The following PUS1 variants were observed in gnomAD, a reference collection of about 807,000 sequenced individuals.
PUS1 encodes pseudouridylate synthase 1 homolog.
PUS1 carries 25 observed loss-of-function variants against 38.5 expected under a neutral mutation model. The ratio of observed to expected loss-of-function variants is 0.65; its 90% CI spans 0.47 to 0.91. The LOEUF is 0.91. Ranked by LOEUF, PUS1 falls within the 40% of genes least tolerant of loss-of-function variation. PUS1 has a pLI of 0.00. For synonymous variants in PUS1, 282 were observed against 260.4 expected, an observed-to-expected ratio of 1.08 and a Z score of -0.80; for missense variants, 597 against 612.3, an observed-to-expected ratio of 0.97 and a Z score of 0.26.
chr12:131,936,295 G>GTAA (rs1890828988), intron 3 of PUS1, among the ~76,000 whole-genome samples: 1 of 152,162 alleles, frequency 6.6e-6, no homozygotes, highest in South Asian at 2.1e-4. Context: ...TGGGCGCGGG[G>GTAA]GCTTAGCCTG....
At chr12:131,935,819 C>A (rs1566143832) in intron 3 of PUS1, among the ~76,000 whole-genome samples, 1 of 152,106 alleles carries the variant, frequency 6.6e-6, no homozygotes, top group Non-Finnish European at 1.5e-5. Flanking sequence ...AGGTGTGAGC[C>A]CCCGTGCCCG....
At chr12:131,933,982 C>T (rs1174891632) in intron 3 of PUS1, among the ~76,000 whole-genome samples, 2 of 152,194 alleles carry the variant, frequency 1.3e-5, no homozygotes, top group African/African-American at 4.8e-5. Context: ...GATAAGGTCA[C>T]GCGAGTGACA....
At position 131,931,068 on chromosome 12, in the gene PUS1, G is replaced by A. The variant is rs537725991; in HGVS notation, c.303+933G>A. On this transcript the variant is annotated intron_variant, in intron 2 of 5. Coordinates refer to ENST00000376649, the MANE Select transcript of PUS1 (RefSeq NM_025215.6). ...ATTTCCACAGAAGTTCATGCAGTGC[G>A]TGCAGTGTCTGACTGAAACAAAAGT... 4.6e-5 allele frequency among the ~76,000 whole-genome samples: 7 copies of A among 152,318 alleles called. No homozygotes were observed. The East Asian group carries it at 7.7e-4, about 17-fold the overall frequency.
intron 5 of PUS1, among the ~76,000 whole-genome samples, chr12:131,942,316 T>C (rs571740068): frequency 6.6e-6 from 1 of 152,272 alleles, no homozygotes; most frequent in South Asian, 2.1e-4. Context: ...GGATTGTAGG[T>C]GCAGAAGCTA....
Position 131,943,421 on chromosome 12 carries a change from G to C in PUS1, c.1237-118G>C. 3.6e-6 allele frequency: 3 copies of C among 836,992 alleles called. No homozygotes were observed. In the Admixed American group the frequency reaches 5.1e-5, roughly 14 times the overall value. 51.8% of individuals were successfully genotyped at this position (836,992 alleles called of 1,614,324 possible). A position where few individuals can be genotyped will look rare whatever the true frequency, so the allele number is the denominator to read the frequency against. ...AGAACAAACACCAGACTCTGCTCCT[G>C]ATGAGGGAGTGGTGGGGGCAAGGCT... On this transcript the variant is annotated intron_variant, in intron 5 of 5. Coordinates refer to ENST00000376649, the MANE Select transcript of PUS1 (RefSeq NM_025215.6).
intron 2 of PUS1, chr12:131,931,552 T>C (rs978514809): frequency 1.3e-5 from 2 of 153,560 alleles, no homozygotes; most frequent in African/African-American, 4.8e-5. Flanking sequence ...TACCTAATTA[T>C]TTATTTATTT....
chr12:131,942,615 C>T (rs573617539), intron 5 of PUS1, among the ~76,000 whole-genome samples: 18 of 152,210 alleles, frequency 1.2e-4, no homozygotes, highest in Admixed American at 1.3e-4. Flanking sequence ...ACCATGTTAG[C>T]CAGGATGGTC....
At chr12:131,942,964 C>T (rs1055785641) in intron 5 of PUS1, among the ~76,000 whole-genome samples, 2 of 152,314 alleles carry the variant, frequency 1.3e-5, no homozygotes, top group Admixed American at 6.5e-5. Context: ...GGGGGGCCAG[C>T]GGTGGCCAGG....
At position 131,938,787 on chromosome 12, in the gene PUS1, T is replaced by C. The variant is rs548136796; in HGVS notation, c.442-386T>C. ...CCCAGGCTGGAGTGCAGTGGCACGA[T>C]CTCAGCTCACTGGAAGCTCCGCCTC... On this transcript the variant is annotated intron_variant, in intron 3 of 5. Coordinates refer to ENST00000376649, the MANE Select transcript of PUS1 (RefSeq NM_025215.6). Among the ~76,000 whole-genome samples, 3 of 150,614 alleles carry C rather than the reference T, an allele frequency of 2.0e-5. No individual in the cohort carries two copies. The East Asian group carries it at 5.9e-4, about 30-fold the overall frequency.
intron 2 of PUS1, among the ~76,000 whole-genome samples, chr12:131,931,081 C>G (rs1890580310): frequency 1.3e-5 from 2 of 152,202 alleles, no homozygotes; most frequent in African/African-American, 2.4e-5. Flanking sequence ...CAGTGTCTGA[C>G]TGAAACAAAA....
In PUS1 at chr12:131,941,844, C is replaced by T; in HGVS notation, c.1097C>T (p.Ala366Val). The T allele has an allele frequency of 6.2e-7, 1 of 1,614,030 alleles. No homozygotes were observed. The highest frequency in any genetic ancestry group is 8.5e-7 in the Non-Finnish European group (1 of 1,180,030). The change falls in exon 5 of 6, where the codon GCA becomes GTA. Residue 366 changes from alanine (A) to valine (V), a missense_variant. Transcript: ENST00000376649. The surrounding 1 kb of genome is among the most constrained non-coding windows in gnomAD (Gnocchi z 4.4). ...LDWAQEEGKVAAFKEEHIYPT... is the reference protein window; with the variant it reads ...LDWAQEEGKVVAFKEEHIYPT... Reference sequence around the variant, plus strand: ...TGGGCGCAGGAGGAAGGAAAGGTCGCAGCCTTCAAGGAGGAGCACATCTAC... The same window carrying T: ...TGGGCGCAGGAGGAAGGAAAGGTCGTAGCCTTCAAGGAGGAGCACATCTAC...
At position 131,930,111 on chromosome 12, in the gene PUS1, G is replaced by T. The variant is rs2136429561; in HGVS notation, c.279G>T (p.Ser93=). The T allele has an allele frequency of 1.4e-6, 2 of 1,429,984 alleles. No individual in the cohort carries two copies. The allele number at this position is 1,429,984 out of a possible 1,614,324, so 88.6% of individuals were successfully genotyped here. A position where few individuals can be genotyped will look rare whatever the true frequency, so the allele number is the denominator to read the frequency against. ...AGATCGTGCTGCTCATGGCCTATTC[G>T]GGCAAGGGCTACCACGGCATGCAGG... The part of the protein sequence containing the change: ...KRKIVLLMAY[S]GKGYHGMQRN... Residue 93 remains serine, a synonymous_variant, in exon 2 of 6, where the codon TCG becomes TCT. Transcript: ENST00000376649.
At chr12:131,938,988 G>A (rs1334604531) in intron 3 of PUS1, among the ~76,000 whole-genome samples, 185 bp from the exon 4 acceptor site, 1 of 152,220 alleles carries the variant, frequency 6.6e-6, no homozygotes, top group African/African-American at 2.4e-5. Flanking sequence ...TGATCCACCC[G>A]CCTCGGCCTC....
intron 3 of PUS1, chr12:131,934,530 A>G (rs1890741383): frequency 6.6e-6 from 1 of 152,240 alleles, no homozygotes; most frequent in Non-Finnish European, 1.5e-5. Context: ...TTATAATAGT[A>G]AAGAGTAATA....
chr12:131,941,529 G>A lies in PUS1; in HGVS notation c.782G>A (p.Arg261His), dbSNP rs371146708. 1.1e-5 allele frequency: 18 copies of A among 1,614,080 alleles called. No individual in the cohort carries two copies. The highest frequency in any genetic ancestry group is 4.0e-5 in the African/African-American group (3 of 74,930). Residue 261 changes from arginine (R) to histidine (H), a missense_variant, in exon 5 of 6, where the codon CGC becomes CAC. Arg to His is a conservative substitution (Grantham distance 29). Transcript: ENST00000376649. The surrounding 1 kb of genome is among the most constrained non-coding windows in gnomAD (Gnocchi z 4.4). ...QKGPQDPSAC[R>H]YILEMYCEEP... ...GGGCCGCAGGATCCCAGTGCCTGCC[G>A]CTACATCCTGGAGATGTACTGCGAG...
At position 131,941,143 on chromosome 12, in the gene PUS1, GC is replaced by G. The variant is rs1316078904; in HGVS notation, c.545-144del. ...TGTGCCTGTTCCCCAGCCTGTGGCT[GC>G]CCCCTCCCCAGAGAAGCCGATGCTT... On this transcript the variant is annotated intron_variant, in intron 4 of 5. Transcript: ENST00000376649. The surrounding 1 kb of genome is among the most constrained non-coding windows in gnomAD (Gnocchi z 4.4). 1.7e-4 allele frequency: 113 copies of G among 683,504 alleles called. No homozygotes were observed. The highest frequency in any genetic ancestry group is 2.7e-4 in the Non-Finnish European group (106 of 385,876). 42.3% of individuals were successfully genotyped at this position (683,504 alleles called of 1,614,324 possible).
In PUS1 at chr12:131,932,266, A is replaced by C. The variant is rs1890637441; in HGVS notation, c.395A>C (p.Glu132Ala). 1.2e-6 allele frequency: 2 copies of C among 1,614,046 alleles called. No homozygotes were observed. The highest frequency in any genetic ancestry group is 1.7e-6 in the Non-Finnish European group (2 of 1,179,974). ...GGCTGTATTCCTGAAAATCATGGTG[A>C]GGACATGAGGAAAATGTCCTTCCAG... ...RSGCIPENHG[E>A]DMRKMSFQRC... Residue 132 changes from glutamate to alanine, a missense_variant, in exon 3 of 6, where the codon GAG becomes GCG. Coordinates refer to ENST00000376649, the MANE Select transcript of PUS1 (RefSeq NM_025215.6).
In PUS1 at chr12:131,941,288, C is replaced by G. The variant is rs772773024; in HGVS notation, c.545-4C>G. 6.2e-7 allele frequency: 1 copy of G among 1,613,910 alleles called. No homozygotes were observed. Among genetic ancestry groups the G allele is most frequent in the Admixed American group, 1.7e-5 (1 of 60,022 alleles). On this transcript the variant is annotated splice_region_variant and splice_polypyrimidine_tract_variant and intron_variant, in intron 4 of 5. Transcript: ENST00000376649. The surrounding 1 kb of genome is among the most constrained non-coding windows in gnomAD (Gnocchi z 4.4). ...TTTCTCCTCCCTGACCACCTCCCCC[C>G]TAGGACTGAAGCGGGTCACGGGCGG...
At chr12:131,932,132 C>T (rs777739058) in intron 2 of PUS1, 43 bp from the exon 3 acceptor site, 4 of 1,593,164 alleles carry the variant, frequency 2.5e-6, no homozygotes, top group Non-Finnish European at 3.4e-6. Context: ...ATGGCGACCT[C>T]TGTCTGCAAA....
Sources: allele counts gnomAD v4.1 joint callset (sites outside exome capture counted in the v4.1 genomes callset), GRCh38; gene constraint gnomAD v4.1.1; non-coding constraint Gnocchi (gnomAD v3.1); transcripts MANE v1.5; gene names NCBI Gene and HGNC (gene_info 2026-07-23, HGNC 2026-07-21).